The following LDB2 variants were observed in gnomAD, a reference collection of about 807,000 sequenced individuals.
The protein encoded by LDB2 is LIM domain binding 2.
A neutral mutation model predicts 44.3 loss-of-function variants in LDB2; 12 were observed. The ratio of observed to expected loss-of-function variants is 0.27; its 90% CI spans 0.17 to 0.44. LDB2 has a LOEUF of 0.44. Ranked by LOEUF, LDB2 falls within the 20% of genes least tolerant of loss-of-function variation. The pLI is 1.00. For synonymous variants in LDB2, 164 were observed against 174.8 expected, an observed-to-expected ratio of 0.94 and a Z score of 0.49; for missense variants, 344 against 473.5, an observed-to-expected ratio of 0.73 and a Z score of 2.54.
At chr4:16,564,387 C>T (rs531618057) in intron 5 of LDB2, among the ~76,000 whole-genome samples, 1 of 152,060 alleles carries the variant, frequency 6.6e-6, no homozygotes. Flanking sequence ...AACAAACAAT[C>T]AAAAAATACA....
intron 2 of LDB2, among the ~76,000 whole-genome samples, chr4:16,647,619 T>G (rs962935495): frequency 1.3e-5 from 2 of 152,098 alleles, no homozygotes; most frequent in African/African-American, 4.8e-5. Flanking sequence ...ACTTTGCCCC[T>G]CCTGAAGTTC....
chr4:16,714,528 G>A (rs1427368578), intron 2 of LDB2, among the ~76,000 whole-genome samples: 2 of 152,096 alleles, frequency 1.3e-5, no homozygotes, highest in African/African-American at 4.8e-5. Context: ...AGAACAGGTG[G>A]CTTCCAAGGT....
intron 1 of LDB2, among the ~76,000 whole-genome samples, chr4:16,828,192 T>C (rs973840955): frequency 1.3e-5 from 2 of 152,182 alleles, no homozygotes; most frequent in Non-Finnish European, 2.9e-5. Flanking sequence ...TGGCAAACCA[T>C]CGTCTTAGGA....
chr4:16,712,535 C>T (rs577262197), intron 2 of LDB2, among the ~76,000 whole-genome samples: 32 of 151,722 alleles, frequency 2.1e-4, no homozygotes, highest in Non-Finnish European at 4.0e-4. Flanking sequence ...CTGGGTGACA[C>T]GGTGAGACTC....
chr4:16,883,382 C>T (rs1720730833), intron 1 of LDB2, among the ~76,000 whole-genome samples: 1 of 152,164 alleles, frequency 6.6e-6, no homozygotes, highest in Non-Finnish European at 1.5e-5. Flanking sequence ...AAATATTTCT[C>T]CGAGGCTTAA....
At chr4:16,555,528 C>T (rs977170901) in intron 5 of LDB2, among the ~76,000 whole-genome samples, 11 of 152,184 alleles carry the variant, frequency 7.2e-5, no homozygotes, top group Non-Finnish European at 2.9e-5. Context: ...GTGTGTCATG[C>T]CTCCAGAATA....
chr4:16,685,061 T>C (rs114784466), intron 2 of LDB2, among the ~76,000 whole-genome samples: 32 of 152,352 alleles, frequency 2.1e-4, no homozygotes, highest in African/African-American at 7.7e-4. Flanking sequence ...GAAAATCTTG[T>C]CATGTATAGC....
intron 1 of LDB2, among the ~76,000 whole-genome samples, chr4:16,802,096 G>A (rs1387896556): frequency 6.6e-6 from 1 of 152,082 alleles, no homozygotes; most frequent in Non-Finnish European, 1.5e-5. Flanking sequence ...TGTAGGGAAG[G>A]GCTCCAAGTG....
At chr4:16,793,121 C>A (rs1392340956) in intron 1 of LDB2, among the ~76,000 whole-genome samples, 1 of 152,154 alleles carries the variant, frequency 6.6e-6, no homozygotes, top group Admixed American at 6.5e-5. Flanking sequence ...AATCAGGAAA[C>A]TTCATTTCTA....
At position 16,535,040 on chromosome 4, in the gene LDB2, A is replaced by G. The variant is rs114161468; in HGVS notation, c.616-22936T>C. Among the ~76,000 whole-genome samples, 707 of 152,342 alleles carry G rather than the reference A, an allele frequency of 4.6e-3. 5 individuals carry two copies. Among genetic ancestry groups the G allele is most frequent in the African/African-American group, 0.016 (668 of 41,576 alleles). On this transcript the variant is annotated intron_variant, in intron 5 of 7. Transcript: ENST00000304523. ...GTGATACACAGCTGTCATTTTTGAC[A>G]GGTTGAAAGAAAGTAAGAAGTTCTC...
chr4:16,798,616 C>G (rs954238160), intron 1 of LDB2, among the ~76,000 whole-genome samples: 6 of 152,214 alleles, frequency 3.9e-5, no homozygotes, highest in Non-Finnish European at 7.3e-5. Context: ...CCTCCCTCTT[C>G]CCTCACACAT....
intron 5 of LDB2, among the ~76,000 whole-genome samples, chr4:16,581,982 GGGAA>G (rs1248536863): frequency 6.2e-5 from 7 of 113,756 alleles, no homozygotes; most frequent in African/African-American, 1.0e-4. Context: ...AAGGAAGGAA[GGGAA>G]GGAAGGGAAG....
chr4:16,612,010 CA>C (rs1163255763), intron 2 of LDB2, among the ~76,000 whole-genome samples: 2 of 152,130 alleles, frequency 1.3e-5, no homozygotes, highest in African/African-American at 4.8e-5. Flanking sequence ...TAATAACAAA[CA>C]GTCTCTCAGA....
intron 1 of LDB2, among the ~76,000 whole-genome samples, chr4:16,816,062 G>A (rs530682720): frequency 5.5e-4 from 84 of 152,150 alleles, no homozygotes; most frequent in African/African-American, 1.9e-3. Flanking sequence ...ACAAAAATTA[G>A]CCAGGTGTGG....
At chr4:16,776,237 C>T (rs1771873535) in intron 1 of LDB2, among the ~76,000 whole-genome samples, 1 of 152,194 alleles carries the variant, frequency 6.6e-6, no homozygotes, top group African/African-American at 2.4e-5. Context: ...GTTTCCCCAT[C>T]TGTCAAATAT....
intron 1 of LDB2, among the ~76,000 whole-genome samples, chr4:16,831,851 A>T (rs567128361): frequency 6.6e-6 from 1 of 152,282 alleles, no homozygotes; most frequent in East Asian, 1.9e-4. Flanking sequence ...GCTATGATTA[A>T]AGTGAAGAGG....
intron 1 of LDB2, 63 bp from the exon 2 acceptor site, chr4:16,759,323 A>G (rs965103447): frequency 4.1e-6 from 5 of 1,231,068 alleles, no homozygotes; most frequent in African/African-American, 3.0e-5. Context: ...AGAGGAAGAG[A>G]AAAGGGAAGA....
At chr4:16,567,634 G>A (rs1383340791) in intron 5 of LDB2, among the ~76,000 whole-genome samples, 1 of 152,176 alleles carries the variant, frequency 6.6e-6, no homozygotes, top group African/African-American at 2.4e-5. Context: ...GCTGGGTGTG[G>A]TGGCGGGCGC....
chr4:16,629,463 C>A (rs187689922), intron 2 of LDB2, among the ~76,000 whole-genome samples: 229 of 152,190 alleles, frequency 1.5e-3, no homozygotes, highest in Non-Finnish European at 2.6e-3. Context: ...TGTTCTGCAC[C>A]CTCTGCTGGT....
Sources: gnomAD v4.1 joint callset for allele counts (sites outside exome capture counted in the v4.1 genomes callset) on GRCh38, gnomAD v4.1.1 for gene constraint, MANE v1.5 for transcripts, NCBI Gene and HGNC (gene_info 2026-07-23, HGNC 2026-07-21) for gene names.